Variants in CD82 observed in about 807,000 individuals in gnomAD.
CD82 encodes CD82 molecule.
In CD82, 36 loss-of-function variants were observed where a neutral mutation model predicts 37.4. The ratio of observed to expected loss-of-function variants is 0.96; its 90% CI spans 0.74 to 1.27. The LOEUF (loss-of-function observed/expected upper bound fraction) is 1.27, where lower values mean the gene tolerates loss of function less well. Among genes scored for constraint, CD82 ranks in the 50% most tolerant of loss-of-function variants. The probability of loss-of-function intolerance (pLI) is 0.00; values close to 1 mark genes in which losing one functional copy is unlikely to be tolerated. For missense variants in CD82, 340 were observed against 347.0 expected (o/e 0.98, Z 0.16); for synonymous variants, 158 against 137.4 (o/e 1.15, Z -1.05).
intron 1 of CD82, among the ~76,000 whole-genome samples, chr11:44,576,557 C>T (rs957165843): frequency 6.6e-6 from 1 of 152,148 alleles, no homozygotes; most frequent in African/African-American, 2.4e-5. Context: ...ACGGTCAGCC[C>T]AAGGGTCAAA....
chr11:44,578,976 A>G (rs774328298), intron 1 of CD82, among the ~76,000 whole-genome samples: 1 of 152,028 alleles, frequency 6.6e-6, no homozygotes. Flanking sequence ...TGGGACCCAG[A>G]TGTTCATTTT....
intron 1 of CD82, among the ~76,000 whole-genome samples, chr11:44,568,830 C>T (rs1852774841): frequency 6.6e-6 from 1 of 152,218 alleles, no homozygotes; most frequent in Non-Finnish European, 1.5e-5. Flanking sequence ...ACCAGACAGT[C>T]CTCCCTCAAC....
intron 1 of CD82, among the ~76,000 whole-genome samples, chr11:44,571,492 A>G (rs560861876): frequency 6.6e-6 from 1 of 152,228 alleles, no homozygotes; most frequent in African/African-American, 2.4e-5. Flanking sequence ...TATATGAGCT[A>G]ATGCATATGA....
At chr11:44,586,417 C>G (rs566520633) in intron 1 of CD82, among the ~76,000 whole-genome samples, 5 of 152,318 alleles carry the variant, frequency 3.3e-5, no homozygotes, top group African/African-American at 9.6e-5. Context: ...GTCAGCTTTT[C>G]TGACCCAAAG....
In CD82 at chr11:44,618,150, T is replaced by C; in HGVS notation, c.439-12T>C. The stretch of plus-strand genomic sequence containing the variant: ...CCGTGAGCACAAGCAGTCTGTCCCC[T>C]GCCTTGCCCAGGTGAAGTGCTGCGG... On this transcript the variant is annotated splice_polypyrimidine_tract_variant and intron_variant, in intron 7 of 9. Coordinates refer to ENST00000227155, the MANE Select transcript of CD82 (RefSeq NM_002231.4). The C allele has an allele frequency of 6.2e-7, 1 of 1,613,446 alleles. No homozygotes were observed. Among genetic ancestry groups the C allele is most frequent in the Non-Finnish European group, 8.5e-7 (1 of 1,179,580 alleles).
chr11:44,564,629 A>G, upstream of CD82: 1 of 402,434 alleles, frequency 2.5e-6, no homozygotes, highest in Non-Finnish European at 5.1e-6. Context: ...TTCTTCAGGG[A>G]GAAAGCCAGC....
chr11:44,604,885 A>G (rs1021399897), intron 4 of CD82, 173 bp from the exon 5 acceptor site: 1 of 788,592 alleles, frequency 1.3e-6, no homozygotes, highest in African/African-American at 1.7e-5. Flanking sequence ...GAGGGACACA[A>G]GTGGGGATGG....
Position 44,565,672 on chromosome 11 carries a change from C to G in CD82, c.-167C>G. ...CTGAGCCCCGGGCTGTGCAGTCCGA[C>G]GCCGACTGAGGCACGAGCGGGTGAC... is the stretch of plus-strand genomic sequence containing the variant. On this transcript the variant is annotated 5_prime_UTR_variant, in exon 1 of 10. Coordinates refer to ENST00000227155, the MANE Select transcript of CD82 (RefSeq NM_002231.4). The G allele has an allele frequency of 6.6e-6, 1 of 151,082 alleles. No homozygotes were observed. Among genetic ancestry groups the G allele is most frequent in the East Asian group, 1.9e-4 (1 of 5,166 alleles). The allele number at this position is 151,082 out of a possible 1,614,324, so 9.4% of individuals were successfully genotyped here.
intron 6 of CD82, chr11:44,606,372 C>G (rs920348359): frequency 6.7e-6 from 1 of 149,566 alleles, no homozygotes; most frequent in Non-Finnish European, 1.5e-5. Context: ...CCCAGCTACT[C>G]AGGAGGCTGA....
chr11:44,618,494 ACTT>A (rs1230293293), intron 8 of CD82, 129 bp downstream of exon 8: 27 of 1,053,770 alleles, frequency 2.6e-5, no homozygotes, highest in Non-Finnish European at 3.7e-5. Context: ...ACCTTCATCT[ACTT>A]CTTTGTTAAT....
In CD82 at chr11:44,615,242, T is replaced by G. The variant is rs778658422; in HGVS notation, c.337-30T>G. 1.3e-5 allele frequency: 19 copies of G among 1,486,906 alleles called. No homozygotes were observed. In the Admixed American group the frequency reaches 3.0e-4, roughly 24 times the overall value. 92.1% of individuals were successfully genotyped at this position (1,486,906 alleles called of 1,614,324 possible). A position where few individuals can be genotyped will look rare whatever the true frequency, so the allele number is the denominator to read the frequency against. On this transcript the variant is annotated intron_variant, in intron 6 of 9. Transcript: ENST00000227155. Reference sequence around the variant, plus strand: ...AGGTGGGCACGGGTTTCAGGAAATCTGACCCTGACCTTTGTCCTCCCCCCT... The same window carrying G: ...AGGTGGGCACGGGTTTCAGGAAATCGGACCCTGACCTTTGTCCTCCCCCCT...
At chr11:44,615,950 C>T (rs778222764) in intron 7 of CD82, among the ~76,000 whole-genome samples, 6 of 152,052 alleles carry the variant, frequency 3.9e-5, no homozygotes, top group South Asian at 4.2e-4. Flanking sequence ...ACGGACTGAC[C>T]GACTGACCAA....
chr11:44,569,269 A>C (rs1489160677), intron 1 of CD82, among the ~76,000 whole-genome samples: 1 of 151,982 alleles, frequency 6.6e-6, no homozygotes, highest in African/African-American at 2.4e-5. Flanking sequence ...GCAGACAACC[A>C]CAGACCCGGG....
chr11:44,582,564 A>G (rs1852995641), intron 1 of CD82, among the ~76,000 whole-genome samples: 1 of 152,192 alleles, frequency 6.6e-6, no homozygotes, highest in South Asian at 2.1e-4. Flanking sequence ...TCATGTGGAT[A>G]CTGAGAAATG....
chr11:44,570,430 G>C (rs1291741778), intron 1 of CD82, among the ~76,000 whole-genome samples: 1 of 152,240 alleles, frequency 6.6e-6, no homozygotes, highest in Non-Finnish European at 1.5e-5. Context: ...TGTCCTGTCT[G>C]TATCTCTGAT....
intron 2 of CD82, among the ~76,000 whole-genome samples, chr11:44,593,392 C>T (rs2134653536): frequency 6.6e-6 from 1 of 152,354 alleles, no homozygotes; most frequent in Middle Eastern, 3.4e-3. Context: ...TGTCCCAGGC[C>T]AGCTGTCCAG....
At chr11:44,618,816 G>A (rs1219901038) in intron 9 of CD82, 93 bp downstream of exon 9, 96 of 1,122,896 alleles carry the variant, frequency 8.5e-5, no homozygotes, top group Middle Eastern at 2.0e-4. Flanking sequence ...TGGCCAAGGG[G>A]GCCAGCACCC....
intron 4 of CD82, chr11:44,604,742 G>C (rs1378346061): frequency 2.6e-6 from 1 of 391,828 alleles, no homozygotes; most frequent in Non-Finnish European, 4.8e-6. Context: ...TTGGTGGAGG[G>C]GGAGAGCAGA....
At chr11:44,594,823 T>TG in intron 3 of CD82, 98 bp downstream of exon 3, 2 of 994,898 alleles carry the variant, frequency 2.0e-6, no homozygotes, top group South Asian at 1.3e-5. Flanking sequence ...GGCCGGGGAT[T>TG]GGGGGGATTT....
Sources: gnomAD v4.1 joint callset for allele counts (sites outside exome capture counted in the v4.1 genomes callset) on GRCh38, gnomAD v4.1.1 for gene constraint, MANE v1.5 for transcripts, NCBI Gene and HGNC (gene_info 2026-07-23, HGNC 2026-07-21) for gene names.